LETMD1: variants seen among roughly 807,000 people sequenced by gnomAD.
LETMD1 encodes LETM1 domain-containing protein 1.
In LETMD1, 30 loss-of-function variants were observed where a neutral mutation model predicts 43.9. That is an observed-to-expected ratio of 0.68 (90% CI 0.51 to 0.93). The LOEUF is 0.93. Ranked by LOEUF, LETMD1 falls within the 40% of genes least tolerant of loss-of-function variation. The pLI, the probability that LETMD1 is intolerant of heterozygous loss-of-function variation, is 0.00. For missense variants in LETMD1, 413 were observed against 447.7 expected (o/e 0.92, Z 0.70); for synonymous variants, 176 against 163.1 (o/e 1.08, Z -0.60).
chr12:51,064,918 C>G, downstream of LETMD1, among the ~76,000 whole-genome samples: 1 of 152,234 alleles, frequency 6.6e-6, no homozygotes, highest in South Asian at 2.1e-4. Flanking sequence ...ATTTATCTCT[C>G]TAGGGCTTTG....
At chr12:51,064,252 TA>T, downstream of LETMD1, 1 of 1,613,210 alleles carries the variant, frequency 6.2e-7, no homozygotes, top group Non-Finnish European at 8.5e-7. Context: ...ATGGGGGCTG[TA>T]AGGCCTGGGC....
At chr12:51,065,789 G>A in the LETMD1 span, among the ~76,000 whole-genome samples, 1 of 152,104 alleles carries the variant, frequency 6.6e-6, no homozygotes, top group Admixed American at 6.5e-5. Context: ...CTGTTCTCAG[G>A]TGTGTGTGTA....
chr12:51,067,830 C>T, the LETMD1 span: 12 of 1,614,218 alleles, frequency 7.4e-6, no homozygotes, highest in East Asian at 6.7e-5. This position sits in a 1 kb window ranked among gnomAD's most constrained non-coding sequence, Gnocchi z 4.1. Flanking sequence ...CAGCAGGGCC[C>T]GTCGCCGTTT....
At chr12:51,064,063 C>A (rs555092432), downstream of LETMD1, 2 of 1,614,208 alleles carry the variant, frequency 1.2e-6, no homozygotes, top group Admixed American at 1.7e-5. Flanking sequence ...GAGGCTGAGC[C>A]TTCTTCCGTA....
downstream of LETMD1, chr12:51,064,035 T>C: frequency 6.2e-7 from 1 of 1,614,234 alleles, no homozygotes. Flanking sequence ...GACATTCAGA[T>C]CCTTCTCCTT....
intron 2 of LETMD1, among the ~76,000 whole-genome samples, chr12:51,051,133 C>T (rs1010967965): frequency 1.3e-5 from 2 of 151,976 alleles, no homozygotes; most frequent in South Asian, 2.1e-4. Context: ...AGGCTGGGCA[C>T]GGTGGCTCAC....
chr12:51,061,957 C>T (rs993587183), downstream of LETMD1: 1 of 152,074 alleles, frequency 6.6e-6, no homozygotes, highest in Non-Finnish European at 1.5e-5. Flanking sequence ...GCTTCGAGAG[C>T]TCAGGTACTT....
chr12:51,056,970 T>G (rs1360649327), intron 7 of LETMD1: 5 of 157,838 alleles, frequency 3.2e-5, no homozygotes, highest in Non-Finnish European at 6.9e-5. Flanking sequence ...GTCTCACTAT[T>G]TTAACCAAGC....
rs1313525404 is a variant in LETMD1 at position 51,055,969 on chromosome 12, C to T, written c.608C>T (p.Pro203Leu). Reference protein sequence around the residue: ...EIISYLEKVIPLISDAGLRWR... With the variant: ...EIISYLEKVILLISDAGLRWR... ...ATTAGTTATTTAGAAAAGGTCATCC[C>T]TCTCATTTCTGATGCAGGACTCCGG... Residue 203 changes from proline (P) to leucine (L), a missense_variant, in exon 5 of 9, where the codon CCT (proline) becomes CTT (leucine). Pro to Leu is a moderately conservative substitution (Grantham distance 98). Transcript: ENST00000262055. 10 of 1,614,000 alleles carry T rather than the reference C, an allele frequency of 6.2e-6. No individual in the cohort carries two copies. Among genetic ancestry groups the T allele is most frequent in the Non-Finnish European group, 8.5e-6 (10 of 1,179,988 alleles).
intron 1 of LETMD1, 94 bp from the exon 2 acceptor site, chr12:51,048,940 C>T: frequency 8.3e-7 from 1 of 1,205,436 alleles, no homozygotes; most frequent in Non-Finnish European, 1.2e-6. Flanking sequence ...CCTTGGGATA[C>T]AATCTCCGAG....
downstream of LETMD1, chr12:51,063,929 A>G: frequency 1.2e-6 from 2 of 1,613,704 alleles, no homozygotes; most frequent in Non-Finnish European, 1.7e-6. Flanking sequence ...CGGGCAATAG[A>G]GCTTCTAGGG....
chr12:51,051,684 GCAA>G (rs1489191952), intron 2 of LETMD1, among the ~76,000 whole-genome samples: 2 of 152,146 alleles, frequency 1.3e-5, no homozygotes, highest in East Asian at 3.9e-4. Context: ...TCCAGCCTGG[GCAA>G]CAAAGTGAGA....
chr12:51,048,659 C>T (rs1319507567), intron 1 of LETMD1, 181 bp downstream of exon 1: 3 of 712,346 alleles, frequency 4.2e-6, no homozygotes, highest in Non-Finnish European at 4.5e-6. Context: ...ACCCTCTGTA[C>T]TCTCAGTGCC....
At chr12:51,066,774 G>A in the LETMD1 span, among the ~76,000 whole-genome samples, 1 of 152,338 alleles carries the variant, frequency 6.6e-6, no homozygotes, top group Admixed American at 6.5e-5. Flanking sequence ...CAAAATTGGA[G>A]TAGAGGTACT....
At chr12:51,048,512 C>T in intron 1 of LETMD1, 34 bp downstream of exon 1, 1 of 1,608,226 alleles carries the variant, frequency 6.2e-7, no homozygotes, top group South Asian at 1.1e-5. Context: ...GCATTTTTGA[C>T]GTCCAGGCTC....
At chr12:51,052,780 C>G (rs780528945) in intron 3 of LETMD1, among the ~76,000 whole-genome samples, 3 of 143,838 alleles carry the variant, frequency 2.1e-5, no homozygotes, top group African/African-American at 7.8e-5. Context: ...GACTCCATCT[C>G]AAAAAAAAAT....
At chr12:51,064,954 C>G (rs1465017713), downstream of LETMD1, among the ~76,000 whole-genome samples, 3 of 152,104 alleles carry the variant, frequency 2.0e-5, no homozygotes, top group Non-Finnish European at 4.4e-5. Flanking sequence ...AACAAGTAGA[C>G]AAAATCACAG....
chr12:51,068,645 T>A, the LETMD1 span, among the ~76,000 whole-genome samples: 1 of 152,168 alleles, frequency 6.6e-6, no homozygotes, highest in Admixed American at 6.5e-5. Context: ...TTTCCAGACA[T>A]GTATCCCCTA....
chr12:51,055,851 C>A lies in LETMD1; in HGVS notation c.490C>A (p.Gln164Lys), dbSNP rs2136677556. The A allele has an allele frequency of 6.2e-7, 1 of 1,607,452 alleles. No homozygotes were observed. The highest frequency in any genetic ancestry group is 1.3e-5 in the African/African-American group (1 of 74,670). Residue 164 changes from glutamine (Q) to lysine (K), a missense_variant, in exon 5 of 9, where the codon CAA becomes AAA. Physicochemically the swap from Gln to Lys is moderately conservative, Grantham distance 53. Coordinates refer to ENST00000262055, the MANE Select transcript of LETMD1 (RefSeq NM_015416.5). ...VFLLMYLFPR[Q>K]LLIRHFWTPK... ...TCCTTTCAGGTACCTGTTTCCCAGG[C>A]AACTACTGATCAGGCATTTCTGGAC... is the stretch of plus-strand genomic sequence containing the variant.
Sources: gnomAD v4.1 joint callset for allele counts (sites outside exome capture counted in the v4.1 genomes callset) on GRCh38, gnomAD v4.1.1 for gene constraint, Gnocchi (gnomAD v3.1) non-coding constraint, MANE v1.5 for transcripts, NCBI Gene and HGNC (gene_info 2026-07-23, HGNC 2026-07-21) for gene names.